RFX1: variants seen among roughly 807,000 people sequenced by gnomAD.
RFX1 encodes the protein regulatory factor X1.
RFX1 carries 42 observed loss-of-function variants against 119.6 expected under a neutral mutation model. The observed-to-expected ratio is 0.35, with a 90% CI of 0.27 to 0.45. The LOEUF (loss-of-function observed/expected upper bound fraction) is 0.45, where lower values mean the gene tolerates loss of function less well. Ranked by LOEUF, RFX1 falls within the 20% of genes least tolerant of loss-of-function variation. RFX1 has a pLI of 1.00. For missense variants in RFX1, 1,118 were observed against 1,368.1 expected (o/e 0.82, Z 2.88); for synonymous variants, 628 against 618.5 (o/e 1.02, Z -0.23).
intron 2 of RFX1, among the ~76,000 whole-genome samples, chr19:13,993,041 G>A (rs1161777988): frequency 6.6e-6 from 1 of 152,162 alleles, no homozygotes; most frequent in Non-Finnish European, 1.5e-5. Flanking sequence ...TCAGGAGACC[G>A]AGGTGGGAGG....
At position 13,963,566 on chromosome 19, in the gene RFX1, GC is replaced by G; in HGVS notation, c.2541del (p.Lys847AsnfsTer14). 1 of 1,604,844 alleles carries G rather than the reference GC, an allele frequency of 6.2e-7. No individual in the cohort carries two copies. ...QGSAGFPKAA[K>X]LFLLKWSFYS... ...TAGAAGGACCACTTGAGGAGGAAGAGCTTGGCGGCCTTGGGGAAGCCGGCGC... is the reference window on the plus strand; with the variant it reads ...TAGAAGGACCACTTGAGGAGGAAGAGTTGGCGGCCTTGGGGAAGCCGGCGC... On this transcript the variant is annotated frameshift_variant, in exon 18 of 21. Transcript: ENST00000254325. LOFTEE classifies it high-confidence loss of function.
chr19:13,969,901 G>T lies in RFX1; in HGVS notation c.1496+93C>A. ...CGCAGAGGCCGGCGGGACTGGGCTG[G>T]ACTGGACTGCCTGAGATGACTCGGA... On this transcript the variant is annotated intron_variant, in intron 10 of 20. Transcript: ENST00000254325. The surrounding 1 kb of genome is among the most constrained non-coding windows in gnomAD (Gnocchi z 4.5). 1.5e-6 allele frequency: 2 copies of T among 1,331,466 alleles called. No homozygotes were observed. Among genetic ancestry groups the T allele is most frequent in the Non-Finnish European group, 2.1e-6 (2 of 974,032 alleles). The allele number at this position is 1,331,466 out of a possible 1,614,324, so 82.5% of individuals were successfully genotyped here. A position where few individuals can be genotyped will look rare whatever the true frequency, so the allele number is the denominator to read the frequency against.
chr19:13,975,321 C>T (rs1974221696), intron 8 of RFX1, among the ~76,000 whole-genome samples: 1 of 149,954 alleles, frequency 6.7e-6, no homozygotes, highest in African/African-American at 2.5e-5. Context: ...AAGATTGCAC[C>T]ATTGCACTCC....
rs769462271 is a variant in RFX1 at position 13,966,784 on chromosome 19, A to G, written c.1733-33T>C. ...GCCGGGGGGAACCGTGAGGCCCTTC[A>G]TCCCCCTTGCCTGCCCACCCTGGGG... On this transcript the variant is annotated intron_variant, in intron 12 of 20. Coordinates refer to ENST00000254325, the MANE Select transcript of RFX1 (RefSeq NM_002918.5). This position sits in a 1 kb window ranked among gnomAD's most constrained non-coding sequence, Gnocchi z 6.3. 6 of 1,462,484 alleles carry G rather than the reference A, an allele frequency of 4.1e-6. No homozygotes were observed. In the East Asian group the frequency reaches 1.1e-4, roughly 28 times the overall value. 90.6% of individuals were successfully genotyped at this position (1,462,484 alleles called of 1,614,324 possible).
At chr19:13,991,577 G>A (rs1599510586) in intron 2 of RFX1, among the ~76,000 whole-genome samples, 1 of 152,156 alleles carries the variant, frequency 6.6e-6, no homozygotes, top group Non-Finnish European at 1.5e-5. Context: ...GACCTCCCAC[G>A]CAGACACTGC....
chr19:13,962,710 C>A lies in RFX1; in HGVS notation c.2925G>T (p.Ala975=). The change falls in exon 21 of 21, where the codon GCG becomes GCT. Residue 975 remains alanine, a synonymous_variant. Transcript: ENST00000254325. ...GGCCAAGGGCTTAGCTGGAGGGCAG[C>A]GCCTGCACGAAGAGGCCGCGCGCGT... ...RTDARGLFVQ[A]LPSS is the part of the protein sequence containing the mutation. The A allele has an allele frequency of 6.5e-7, 1 of 1,527,714 alleles. No individual in the cohort carries two copies. The highest frequency in any genetic ancestry group is 8.7e-7 in the Non-Finnish European group (1 of 1,143,404). 94.6% of individuals were successfully genotyped at this position (1,527,714 alleles called of 1,614,324 possible). A position where few individuals can be genotyped will look rare whatever the true frequency, so the allele number is the denominator to read the frequency against.
Position 13,963,422 on chromosome 19 carries a change from C to CCCCAGCCTGCCCG in RFX1, c.2570+103_2570+115dup. ...GCCTTCCCGGCACATGAGCCCAGGG[C>CCCCAGCCTGCCCG]CCCAGCCTGCCCGCCCAGCCTGCAG... is the stretch of plus-strand genomic sequence containing the variant. On this transcript the variant is annotated intron_variant, in intron 18 of 20. Transcript: ENST00000254325. The CCCCAGCCTGCCCG allele has an allele frequency of 5.7e-6, 8 of 1,412,612 alleles. No homozygotes were observed. In the South Asian group the frequency reaches 1.0e-4, roughly 18 times the overall value. The allele number at this position is 1,412,612 out of a possible 1,614,324, so 87.5% of individuals were successfully genotyped here.
chr19:13,963,006 C>T lies in RFX1; in HGVS notation c.2758G>A (p.Asp920Asn). Residue 920 changes from aspartate (D) to asparagine (N), a missense_variant, in exon 20 of 21, where the codon GAC becomes AAC. Asp to Asn is a conservative substitution (Grantham distance 23). Transcript: ENST00000254325. ...ANLATSLNPLDPDKDEEEEEE... is the reference protein window; with the variant it reads ...ANLATSLNPLNPDKDEEEEEE... ...ACGCCTCGCCTACCTTTGTCGGGGT[C>T]CAGGGGGTTCAGGGAGGTGGCCAGA... The T allele has an allele frequency of 6.4e-7, 1 of 1,552,318 alleles. No individual in the cohort carries two copies. The highest frequency in any genetic ancestry group is 8.7e-7 in the Non-Finnish European group (1 of 1,147,456).
intron 4 of RFX1, among the ~76,000 whole-genome samples, chr19:13,982,758 C>G (rs900681110): frequency 1.3e-5 from 2 of 152,138 alleles, no homozygotes; most frequent in Admixed American, 6.5e-5. Flanking sequence ...GAGCCGAGAT[C>G]GAGCCATTGT....
intron 1 of RFX1, among the ~76,000 whole-genome samples, chr19:14,005,890 C>A (rs957356968): frequency 6.6e-6 from 1 of 151,864 alleles, no homozygotes; most frequent in Admixed American, 6.6e-5. Flanking sequence ...GGCCTGCGAG[C>A]GCCCGCCCCT....
intron 8 of RFX1, among the ~76,000 whole-genome samples, chr19:13,975,940 C>T (rs1394739445): frequency 6.6e-6 from 1 of 152,216 alleles, no homozygotes; most frequent in African/African-American, 2.4e-5. Context: ...AACCCGATAG[C>T]AACGATGAAC....
intron 8 of RFX1, 30 bp downstream of exon 8, chr19:13,977,961 CT>C: frequency 1.3e-6 from 2 of 1,549,326 alleles, no homozygotes; most frequent in Non-Finnish European, 1.8e-6. Flanking sequence ...GCAGACCTGA[CT>C]CCCTCACCCA....
chr19:13,962,693 G>T lies in RFX1; in HGVS notation c.*2C>A. On this transcript the variant is annotated 3_prime_UTR_variant, in exon 21 of 21. Transcript: ENST00000254325. Reference sequence around the variant, plus strand: ...GGCGGGTGGGGCGGGGAGGCCAAGGGCTTAGCTGGAGGGCAGCGCCTGCAC... The same window carrying T: ...GGCGGGTGGGGCGGGGAGGCCAAGGTCTTAGCTGGAGGGCAGCGCCTGCAC... 2.0e-6 allele frequency: 3 copies of T among 1,525,184 alleles called. No homozygotes were observed. The highest frequency in any genetic ancestry group is 2.6e-6 in the Non-Finnish European group (3 of 1,142,394). The allele number at this position is 1,525,184 out of a possible 1,614,324, so 94.5% of individuals were successfully genotyped here.
rs1973700957 is a variant in RFX1 at position 13,962,149 on chromosome 19, C to A, written c.*546G>T. On this transcript the variant is annotated 3_prime_UTR_variant, in exon 21 of 21. Transcript: ENST00000254325. ...GCCCAGCGCTGGAGAAGATGCGACACCCACGGCTTTAATTGCACTTAATAC... is the reference window on the plus strand; with the variant it reads ...GCCCAGCGCTGGAGAAGATGCGACAACCACGGCTTTAATTGCACTTAATAC... 1 of 152,692 alleles carries A rather than the reference C, an allele frequency of 6.5e-6. No homozygotes were observed. Among genetic ancestry groups the A allele is most frequent in the African/African-American group, 2.4e-5 (1 of 41,424 alleles). The allele number at this position is 152,692 out of a possible 1,614,324, so 9.5% of individuals were successfully genotyped here.
In RFX1 at chr19:13,966,462, C is replaced by T. The variant is rs1255730853; in HGVS notation, c.1920G>A (p.Arg640=). The stretch of plus-strand genomic sequence containing the variant: ...CCTCACTGGGCTGGCTGAGGTTGTA[C>T]CTCCAGAAGGTCTTCCACAGCGTCT... ...LVETLWKTFW[R]YNLSQPSEAP... is the part of the protein sequence containing the mutation. The change falls in exon 14 of 21, where the codon AGG becomes AGA. Residue 640 remains arginine (R), a synonymous_variant. Transcript: ENST00000254325. The surrounding 1 kb of genome is among the most constrained non-coding windows in gnomAD (Gnocchi z 6.3). The T allele has an allele frequency of 4.3e-6, 7 of 1,609,794 alleles. No homozygotes were observed. In the East Asian group the frequency reaches 1.3e-4, roughly 31 times the overall value.
chr19:13,962,656 A>AGGGGGGGG lies in RFX1; in HGVS notation c.*38_*39insCCCCCCCC. The AGGGGGGGG allele has an allele frequency of 1.7e-6, 1 of 599,408 alleles. No homozygotes were observed. The allele number at this position is 599,408 out of a possible 1,614,324, so 37.1% of individuals were successfully genotyped here. ...GAAGCTTTGAGGGACCCTGGCGTGG[A>AGGGGGGGG]GGGGTGGCGGGGGCGGGTGGGGCGG... On this transcript the variant is annotated 3_prime_UTR_variant, in exon 21 of 21. Transcript: ENST00000254325.
At chr19:13,967,344 CTT>C (rs1028736732) in intron 12 of RFX1, among the ~76,000 whole-genome samples, 8 of 144,418 alleles carry the variant, frequency 5.5e-5, no homozygotes, top group Non-Finnish European at 6.1e-5. Flanking sequence ...TTTACTTTGT[CTT>C]TTTTTTTTTT....
rs576991297 is a variant in RFX1 at position 13,987,392 on chromosome 19, G to A, written c.320-3797C>T. The stretch of plus-strand genomic sequence containing the variant: ...GGTGAGCTGTGTCTGGTTTGGTGTC[G>A]GCTGGTGTCCAGCCCCAGGCTCCAA... On this transcript the variant is annotated intron_variant, in intron 2 of 20. Coordinates refer to ENST00000254325, the MANE Select transcript of RFX1 (RefSeq NM_002918.5). Among the ~76,000 whole-genome samples the A allele has an allele frequency of 2.6e-4, 39 of 152,206 alleles. 1 individual carries two copies. Among genetic ancestry groups the A allele is most frequent in the African/African-American group, 7.7e-4 (32 of 41,536 alleles).
chr19:13,970,083 C>T lies in RFX1; in HGVS notation c.1407G>A (p.Glu469=). The T allele has an allele frequency of 6.2e-7, 1 of 1,614,118 alleles. No homozygotes were observed. The highest frequency in any genetic ancestry group is 1.1e-5 in the South Asian group (1 of 91,086). ...LYCHYLLHCQ[E]QKLEPVNAAS... is the part of the protein sequence containing the mutation. The stretch of plus-strand genomic sequence containing the variant: ...CGGCGTTGACGGGCTCCAGCTTCTG[C>T]TCCTGGCAGTGCAGTAAGTAGTGGC... Residue 469 remains glutamate (E), a synonymous_variant, in exon 10 of 21, where the codon GAG becomes GAA. Coordinates refer to ENST00000254325, the MANE Select transcript of RFX1 (RefSeq NM_002918.5).
Sources: gnomAD v4.1 joint callset for allele counts (sites outside exome capture counted in the v4.1 genomes callset) on GRCh38, gnomAD v4.1.1 for gene constraint, Gnocchi (gnomAD v3.1) non-coding constraint, MANE v1.5 for transcripts, NCBI Gene and HGNC (gene_info 2026-07-23, HGNC 2026-07-21) for gene names.